The following CNTNAP2 variants were observed in gnomAD, a reference collection of about 807,000 sequenced individuals.
The protein encoded by CNTNAP2 is contactin-associated protein-like 2.
Under a neutral mutation model 155.2 loss-of-function variants are expected in CNTNAP2, and 98 were observed. The observed-to-expected ratio is 0.63, with a 90% confidence interval of 0.54 to 0.75. The LOEUF (loss-of-function observed/expected upper bound fraction) is 0.75. CNTNAP2 is among the 30% of genes least tolerant of loss of function. The probability of loss-of-function intolerance (pLI) is 0.00; values close to 1 mark genes in which losing one functional copy is unlikely to be tolerated. For missense variants in CNTNAP2, 1,727 were observed against 1,688.1 expected (o/e 1.02, Z -0.40); for synonymous variants, 651 against 631.2 (o/e 1.03, Z -0.47).
At chr7:146,647,590 A>G (rs761534179) in intron 1 of CNTNAP2, among the ~76,000 whole-genome samples, 2 of 152,154 alleles carry the variant, frequency 1.3e-5, no homozygotes, top group African/African-American at 2.4e-5. Context: ...CCTCATGAGC[A>G]GTGATAAAGA....
At chr7:146,905,890 G>T (rs1009809216) in intron 3 of CNTNAP2, among the ~76,000 whole-genome samples, 1 of 152,216 alleles carries the variant, frequency 6.6e-6, no homozygotes, top group Non-Finnish European at 1.5e-5. Flanking sequence ...GAGGTACCGG[G>T]TTCATCTCAC....
rs925791050 is a variant in CNTNAP2, at chr7:148,415,991, AT to A, written c.*383del. 11 of 238,532 alleles carry A rather than the reference AT, an allele frequency of 4.6e-5. No individual in the cohort carries two copies. Among genetic ancestry groups the A allele is most frequent in the East Asian group, 1.9e-4 (2 of 10,272 alleles). 14.8% of individuals were successfully genotyped at this position (238,532 alleles called of 1,614,324 possible). ...TTTTAAGAGCCCTTAGAACGTGGGTATTTTTTTTCTTGAGAAAAGCTAATGC... is the reference window on the plus strand; with the variant it reads ...TTTTAAGAGCCCTTAGAACGTGGGTATTTTTTTCTTGAGAAAAGCTAATGC... On this transcript the variant is annotated 3_prime_UTR_variant, in exon 24 of 24. Coordinates refer to ENST00000361727, the MANE Select transcript of CNTNAP2 (RefSeq NM_014141.6).
chr7:147,436,367 C>T (rs1254200303), intron 10 of CNTNAP2, among the ~76,000 whole-genome samples: 1 of 151,928 alleles, frequency 6.6e-6, no homozygotes, highest in African/African-American at 2.4e-5. Context: ...TTTTAAATTT[C>T]AGTTAAAAAT....
intron 3 of CNTNAP2, among the ~76,000 whole-genome samples, chr7:147,027,794 T>C (rs1318863700): frequency 6.6e-6 from 1 of 152,046 alleles, no homozygotes; most frequent in African/African-American, 2.4e-5. Context: ...CCTGGGACAT[T>C]GTGAATGTGA....
chr7:146,160,357 G>A (rs1798198191), intron 1 of CNTNAP2, among the ~76,000 whole-genome samples: 1 of 152,032 alleles, frequency 6.6e-6, no homozygotes, highest in Non-Finnish European at 1.5e-5. Flanking sequence ...CAGAAATGAA[G>A]GTGATAGAGA....
chr7:146,518,730 A>G (rs1584960749), intron 1 of CNTNAP2, among the ~76,000 whole-genome samples: 1 of 152,028 alleles, frequency 6.6e-6, no homozygotes, highest in African/African-American at 2.4e-5. Flanking sequence ...AATGGAATGA[A>G]TGATTCCAAC....
At chr7:148,180,789 C>T (rs767511732) in intron 18 of CNTNAP2, among the ~76,000 whole-genome samples, 3 of 152,186 alleles carry the variant, frequency 2.0e-5, no homozygotes, top group Admixed American at 6.5e-5. Flanking sequence ...GGTGCATTAG[C>T]ATCCAAGAAG....
intron 11 of CNTNAP2, among the ~76,000 whole-genome samples, chr7:147,519,270 G>A (rs1799188152): frequency 6.6e-6 from 1 of 152,054 alleles, no homozygotes; most frequent in Admixed American, 6.6e-5. Context: ...TAGGGCACTG[G>A]CCGTCATCTT....
chr7:148,260,016 G>C (rs555543488), intron 20 of CNTNAP2, among the ~76,000 whole-genome samples: 3 of 152,064 alleles, frequency 2.0e-5, no homozygotes, highest in South Asian at 2.1e-4. Context: ...CTACAAAAGA[G>C]CTCACTTGGA....
chr7:147,335,137 C>A (rs566288524), intron 9 of CNTNAP2, among the ~76,000 whole-genome samples: 1 of 152,198 alleles, frequency 6.6e-6, no homozygotes, highest in Admixed American at 6.6e-5. Context: ...AGGCAGCATG[C>A]ATTTTAGTGA....
intron 9 of CNTNAP2, among the ~76,000 whole-genome samples, chr7:147,346,069 A>G (rs1795850683): frequency 6.6e-6 from 1 of 152,218 alleles, no homozygotes; most frequent in Non-Finnish European, 1.5e-5. Context: ...AAGGAAAACT[A>G]AATATGACAT....
At chr7:147,711,294 T>G (rs997868021) in intron 13 of CNTNAP2, among the ~76,000 whole-genome samples, 1 of 152,178 alleles carries the variant, frequency 6.6e-6, no homozygotes, top group Non-Finnish European at 1.5e-5. Context: ...TGAGCTTTAG[T>G]CACTTAACTA....
intron 18 of CNTNAP2, among the ~76,000 whole-genome samples, chr7:148,212,844 C>T (rs1216770211): frequency 6.6e-6 from 1 of 152,170 alleles, no homozygotes; most frequent in South Asian, 2.1e-4. Flanking sequence ...CCAGGCTTTG[C>T]TTTAACAGTT....
intron 12 of CNTNAP2, among the ~76,000 whole-genome samples, chr7:147,628,156 AG>A (rs1193680036): frequency 9.9e-5 from 15 of 152,222 alleles, no homozygotes; most frequent in Admixed American, 9.8e-4. Context: ...CATTCCAAAA[AG>A]ATCATCACCT....
intron 13 of CNTNAP2, among the ~76,000 whole-genome samples, chr7:147,646,837 G>A (rs1470347528): frequency 1.3e-5 from 2 of 152,178 alleles, no homozygotes; most frequent in Non-Finnish European, 2.9e-5. Flanking sequence ...GTACTCAGGA[G>A]CAAAGATCAC....
chr7:146,760,265 A>T (rs952226816), intron 1 of CNTNAP2, among the ~76,000 whole-genome samples: 2 of 152,036 alleles, frequency 1.3e-5, no homozygotes, highest in African/African-American at 4.8e-5. Context: ...GAAATCAGTA[A>T]TTTTTGTCAT....
intron 4 of CNTNAP2, among the ~76,000 whole-genome samples, chr7:147,044,401 C>T (rs1043638797): frequency 6.6e-6 from 1 of 151,862 alleles, no homozygotes; most frequent in Non-Finnish European, 1.5e-5. Context: ...AAAGGGGAAA[C>T]CTATATTGTT....
At chr7:147,535,869 AAGAC>A (rs1317670842) in intron 11 of CNTNAP2, among the ~76,000 whole-genome samples, 2 of 152,046 alleles carry the variant, frequency 1.3e-5, no homozygotes, top group African/African-American at 4.8e-5. Flanking sequence ...ACAGACGTAA[AAGAC>A]AGGCGTTGCC....
At chr7:147,481,979 A>G (rs889907008) in intron 10 of CNTNAP2, among the ~76,000 whole-genome samples, 1 of 152,204 alleles carries the variant, frequency 6.6e-6, no homozygotes, top group Admixed American at 6.5e-5. Context: ...TCTCACAGTA[A>G]AAGAGATATT....
Sources: gnomAD v4.1 joint callset for allele counts (sites outside exome capture counted in the v4.1 genomes callset) on GRCh38, gnomAD v4.1.1 for gene constraint, MANE v1.5 for transcripts, NCBI Gene and HGNC (gene_info 2026-07-23, HGNC 2026-07-21) for gene names.